Variants in PCDHA2 observed in about 807,000 individuals in gnomAD.
The protein encoded by PCDHA2 is protocadherin alpha-2.
PCDHA2 carries 58 observed loss-of-function variants against 66.0 expected under a neutral mutation model. The ratio of observed to expected loss-of-function variants is 0.88; its 90% CI spans 0.71 to 1.09. The LOEUF is 1.09. Among genes scored for constraint, PCDHA2 ranks in the 50% least tolerant of loss-of-function variants. PCDHA2 has a pLI of 0.00. For synonymous variants in PCDHA2, 634 were observed against 554.0 expected, an observed-to-expected ratio of 1.14 and a Z score of -2.03; for missense variants, 1,267 against 1,242.3, an observed-to-expected ratio of 1.02 and a Z score of -0.30.
rs782562923 is a variant in PCDHA2, at chr5:140,796,532, T to C, written c.1568T>C (p.Leu523Pro). ...ESGKVYALQP[L>P]DHEEVELLQF... is the part of the protein sequence containing the mutation. Reference sequence around the variant, plus strand: ...GGCAAGGTGTACGCGCTGCAGCCGCTGGACCACGAGGAAGTGGAGCTGCTG... The same window carrying C: ...GGCAAGGTGTACGCGCTGCAGCCGCCGGACCACGAGGAAGTGGAGCTGCTG... Residue 523 changes from leucine to proline, a missense_variant, in exon 1 of 4, where the codon CTG (leucine) becomes CCG (proline). Leu to Pro is a moderately conservative substitution (Grantham distance 98). Transcript: ENST00000526136. 6.2e-7 allele frequency: 1 copy of C among 1,612,744 alleles called. No individual in the cohort carries two copies. The highest frequency in any genetic ancestry group is 8.5e-7 in the Non-Finnish European group (1 of 1,179,838).
chr5:140,922,176 CAA>C lies in PCDHA2; in HGVS notation c.2389-56765_2389-56764del, dbSNP rs3836750. ...CAAAAACAACAAAAAGTACAGCAGACAAAAAAAAAGTCTTATCTTTAATGAAA... is the reference window on the plus strand; with the variant it reads ...CAAAAACAACAAAAAGTACAGCAGACAAAAAAAGTCTTATCTTTAATGAAA... On this transcript the variant is annotated intron_variant, in intron 1 of 3. Coordinates refer to ENST00000526136, the MANE Select transcript of PCDHA2 (RefSeq NM_018905.3). 2.6e-3 allele frequency among the ~76,000 whole-genome samples: 394 copies of C among 150,816 alleles called. 1 individual carries two copies. The highest frequency in any genetic ancestry group is 9.1e-3 in the African/African-American group (376 of 41,132).
intron 1 of PCDHA2, chr5:140,809,328 C>G (rs1419045044): frequency 5.0e-6 from 8 of 1,613,988 alleles, no homozygotes; most frequent in Admixed American, 1.7e-5. Context: ...TTGGTGCTCA[C>G]GCTGCTGCTG....
At position 140,832,275 on chromosome 5, in the gene PCDHA2, A is replaced by G. The variant is rs2150200639; in HGVS notation, c.2388+34923A>G. Among the ~76,000 whole-genome samples the G allele has an allele frequency of 2.6e-5, 4 of 152,332 alleles. No individual in the cohort carries two copies. In the East Asian group the frequency reaches 7.7e-4, roughly 29 times the overall value. On this transcript the variant is annotated intron_variant, in intron 1 of 3. Coordinates refer to ENST00000526136, the MANE Select transcript of PCDHA2 (RefSeq NM_018905.3). The stretch of plus-strand genomic sequence containing the variant: ...TTCCCAGGAAATATTAGACTACATT[A>G]AGCATGAATGGTGTATTTGCCCACA...
chr5:140,835,739 C>A (rs185499663), intron 1 of PCDHA2: 15 of 1,613,474 alleles, frequency 9.3e-6, no homozygotes, highest in Non-Finnish European at 1.3e-5. Flanking sequence ...ACGACAACGC[C>A]CCGGCGTTCG....
intron 1 of PCDHA2, among the ~76,000 whole-genome samples, chr5:140,937,894 A>G (rs1554211868): frequency 6.6e-6 from 1 of 150,462 alleles, no homozygotes; most frequent in Non-Finnish European, 1.5e-5. Context: ...CCTGGGCGAC[A>G]GAGTGAGACT....
chr5:140,864,321 C>T (rs1040853151), intron 1 of PCDHA2: 1 of 152,126 alleles, frequency 6.6e-6, no homozygotes, highest in African/African-American at 2.4e-5. Flanking sequence ...TATTTAATAT[C>T]ATAATTATTT....
At chr5:140,961,313 G>A (rs2095603813) in intron 1 of PCDHA2, among the ~76,000 whole-genome samples, 1 of 152,118 alleles carries the variant, frequency 6.6e-6, no homozygotes, top group Admixed American at 6.5e-5. Flanking sequence ...TGATTTACCA[G>A]GCTCTGTTTC....
Position 140,883,957 on chromosome 5 carries a change from G to A in PCDHA2, c.2388+86605G>A, listed in dbSNP as rs879988838. ...TGCTGGACGAGAACGACAACGCTCC[G>A]GCGCTGCTGACGCCCGGGGCTGGCA... On this transcript the variant is annotated intron_variant, in intron 1 of 3. Coordinates refer to ENST00000526136, the MANE Select transcript of PCDHA2 (RefSeq NM_018905.3). 10 of 1,613,246 alleles carry A rather than the reference G, an allele frequency of 6.2e-6. No individual in the cohort carries two copies. In the East Asian group the frequency reaches 1.3e-4, roughly 22 times the overall value.
chr5:140,841,843 T>A (rs1777535091), intron 1 of PCDHA2: 16 of 1,613,734 alleles, frequency 9.9e-6, no homozygotes, highest in Non-Finnish European at 1.4e-5. Context: ...GGCTTAGCTC[T>A]CATGATTACT....
Position 140,982,555 on chromosome 5 carries a change from C to T in PCDHA2, c.2528C>T (p.Ala843Val). The change falls in exon 3 of 4, where the codon GCA becomes GTA. Residue 843 changes from alanine (A) to valine (V), a missense_variant. Transcript: ENST00000526136. Reference sequence around the variant, plus strand: ...CAGCAGTGGCCAACAGTATCCAGTGCAACACCAGGTAAAGAGCTGGGGTCT... The same window carrying T: ...CAGCAGTGGCCAACAGTATCCAGTGTAACACCAGGTAAAGAGCTGGGGTCT... Reference protein sequence around the residue: ...PDQQWPTVSSATPEPEAGEVS... With the variant: ...PDQQWPTVSSVTPEPEAGEVS... The T allele has an allele frequency of 6.2e-7, 1 of 1,614,108 alleles. No homozygotes were observed. The highest frequency in any genetic ancestry group is 8.5e-7 in the Non-Finnish European group (1 of 1,179,990).
At chr5:140,937,933 A>T (rs1452935525) in intron 1 of PCDHA2, among the ~76,000 whole-genome samples, 1 of 151,854 alleles carries the variant, frequency 6.6e-6, no homozygotes, top group Non-Finnish European at 1.5e-5. Flanking sequence ...AAAAAGTTTA[A>T]TTTGATAATT....
chr5:140,813,282 G>GCAT (rs1562237551), intron 1 of PCDHA2: 160 of 152,282 alleles, frequency 1.1e-3, no homozygotes, highest in African/African-American at 3.8e-3. Flanking sequence ...TCTGAGAATT[G>GCAT]TATCATTCTG....
chr5:140,800,154 A>G (rs1762515168), intron 1 of PCDHA2, among the ~76,000 whole-genome samples: 1 of 152,162 alleles, frequency 6.6e-6, no homozygotes, highest in Admixed American at 6.5e-5. Context: ...TATACAGGTA[A>G]ATTCAAATAC....
At chr5:140,808,893 G>C in intron 1 of PCDHA2, 1 of 1,613,410 alleles carries the variant, frequency 6.2e-7, no homozygotes, top group South Asian at 1.1e-5. Context: ...CTAGCGCCTC[G>C]GGCGGGTGGC....
intron 1 of PCDHA2, among the ~76,000 whole-genome samples, chr5:140,799,793 CAT>C (rs1186307133): frequency 2.6e-5 from 4 of 152,038 alleles, no homozygotes; most frequent in Admixed American, 6.5e-5. Context: ...ATTTAAATCA[CAT>C]GTTTGATTTC....
chr5:140,920,511 A>G (rs564811520), intron 1 of PCDHA2, among the ~76,000 whole-genome samples: 1 of 152,284 alleles, frequency 6.6e-6, no homozygotes, highest in East Asian at 1.9e-4. Flanking sequence ...ATACTGTTTT[A>G]TGCAATTCGT....
intron 3 of PCDHA2, among the ~76,000 whole-genome samples, chr5:140,993,460 T>TCACACACACA (rs1554253699): frequency 5.7e-5 from 6 of 104,506 alleles, no homozygotes; most frequent in African/African-American, 7.8e-5. Flanking sequence ...CTTCTTTCTT[T>TCACACACACA]CTCACACACA....
At chr5:140,838,332 C>T (rs1177546709) in intron 1 of PCDHA2, among the ~76,000 whole-genome samples, 2 of 149,836 alleles carry the variant, frequency 1.3e-5, no homozygotes, top group African/African-American at 2.5e-5. Flanking sequence ...CCATGTTGCC[C>T]CGGCTGGTCT....
In PCDHA2 at chr5:140,966,763, G is replaced by A. The variant is rs1020607410; in HGVS notation, c.2389-12186G>A. 2.7e-6 allele frequency: 4 copies of A among 1,470,486 alleles called. No homozygotes were observed. The South Asian group carries it at 5.5e-5, about 20-fold the overall frequency. 91.1% of individuals were successfully genotyped at this position (1,470,486 alleles called of 1,614,324 possible). A position where few individuals can be genotyped will look rare whatever the true frequency, so the allele number is the denominator to read the frequency against. Reference sequence around the variant, plus strand: ...CCCGGCTGCCTCCGCCGCGGCCAGTGGCTATGGAGCAGGCGGGCACCAGAC... The same window carrying A: ...CCCGGCTGCCTCCGCCGCGGCCAGTAGCTATGGAGCAGGCGGGCACCAGAC... On this transcript the variant is annotated intron_variant, in intron 1 of 3. Transcript: ENST00000526136.
Sources: allele counts gnomAD v4.1 joint callset (sites outside exome capture counted in the v4.1 genomes callset), GRCh38; gene constraint gnomAD v4.1.1; transcripts MANE v1.5; gene names NCBI Gene and HGNC (gene_info 2026-07-23, HGNC 2026-07-21).